The following VPS33B variants were observed in gnomAD, a reference collection of about 807,000 sequenced individuals.
The protein encoded by VPS33B is vacuolar protein sorting-associated protein 33B.
A neutral mutation model predicts 95.3 loss-of-function variants in VPS33B; 80 were observed. The observed-to-expected ratio is 0.84, with a 90% CI of 0.70 to 1.01. The LOEUF is 1.01. Ranked by LOEUF, VPS33B falls within the 50% of genes least tolerant of loss-of-function variation. VPS33B has a pLI of 0.00. For synonymous variants in VPS33B, 280 were observed against 280.4 expected, an observed-to-expected ratio of 1.00 and a Z score of 0.01; for missense variants, 715 against 773.4, an observed-to-expected ratio of 0.92 and a Z score of 0.90.
chr15:90,999,084 A>G lies in VPS33B; in HGVS notation c.1775-30T>C, dbSNP rs2040356592. On this transcript the variant is annotated intron_variant, in intron 22 of 22. Transcript: ENST00000333371. The surrounding 1 kb of genome is among the most constrained non-coding windows in gnomAD (Gnocchi z 5.1). ...GGAGTCAAATGCAGCAGCAGAAGAG[A>G]CAGCACAGATCTTAGGCCCCAACGG... 1 of 1,611,860 alleles carries G rather than the reference A, an allele frequency of 6.2e-7. No homozygotes were observed. Among genetic ancestry groups the G allele is most frequent in the African/African-American group, 1.3e-5 (1 of 74,892 alleles).
Position 91,005,525 on chromosome 15 carries a change from TAAA to T in VPS33B, c.1031-74_1031-72del, listed in dbSNP as rs1030048768. 3.7e-6 allele frequency: 6 copies of T among 1,609,494 alleles called. No homozygotes were observed. Among genetic ancestry groups the T allele is most frequent in the Non-Finnish European group, 5.1e-6 (6 of 1,176,166 alleles). ...GATGTCCCTTTATTGTCCGGAAGAA[TAAA>T]AAACCTCCTAAGGCAAAATCCGAAA... On this transcript the variant is annotated intron_variant, in intron 13 of 22. Coordinates refer to ENST00000333371, the MANE Select transcript of VPS33B (RefSeq NM_018668.5). The surrounding 1 kb of genome is among the most constrained non-coding windows in gnomAD (Gnocchi z 6.4).
At position 91,000,075 on chromosome 15, in the gene VPS33B, C is replaced by T. The variant is rs2040392569; in HGVS notation, c.1582-100G>A. On this transcript the variant is annotated intron_variant, in intron 20 of 22. Coordinates refer to ENST00000333371, the MANE Select transcript of VPS33B (RefSeq NM_018668.5). This position sits in a 1 kb window ranked among gnomAD's most constrained non-coding sequence, Gnocchi z 4.9. ...ACTGTCACATTTCTTGCTCATTACT[C>T]AAGTAGCAAAAAGTTGAGACAGGGC... is the stretch of plus-strand genomic sequence containing the variant. The T allele has an allele frequency of 6.7e-7, 1 of 1,492,934 alleles. No individual in the cohort carries two copies. The highest frequency in any genetic ancestry group is 9.2e-7 in the Non-Finnish European group (1 of 1,081,964). The allele number at this position is 1,492,934 out of a possible 1,614,324, so 92.5% of individuals were successfully genotyped here. A position where few individuals can be genotyped will look rare whatever the true frequency, so the allele number is the denominator to read the frequency against.
In VPS33B at chr15:91,018,398, C is replaced by T. The variant is rs906449750; in HGVS notation, c.97-513G>A. 1.3e-5 allele frequency among the ~76,000 whole-genome samples: 2 copies of T among 152,178 alleles called. No homozygotes were observed. Among genetic ancestry groups the T allele is most frequent in the African/African-American group, 4.8e-5 (2 of 41,440 alleles). ...CACAATCCCTGTCATACGATTCCTG[C>T]ACCACCACTCCTGACACCGATCTCA... On this transcript the variant is annotated intron_variant, in intron 1 of 22. Coordinates refer to ENST00000333371, the MANE Select transcript of VPS33B (RefSeq NM_018668.5). This position sits in a 1 kb window ranked among gnomAD's most constrained non-coding sequence, Gnocchi z 4.7.
chr15:91,000,506 C>T lies in VPS33B; in HGVS notation c.1565G>A (p.Cys522Tyr). The T allele has an allele frequency of 6.2e-7, 1 of 1,613,166 alleles. No individual in the cohort carries two copies. Among genetic ancestry groups the T allele is most frequent in the South Asian group, 1.1e-5 (1 of 91,060 alleles). Reference sequence around the variant, plus strand: ...TGCTCTCACCTGCTCAATGATTCGGCAGCTCAGGGGCACATAAGCACCACC... The same window carrying T: ...TGCTCTCACCTGCTCAATGATTCGGTAGCTCAGGGGCACATAAGCACCACC... ...VFGGAYVPLS[C>Y]RIIEQVLERR... The change falls in exon 20 of 23, where the codon TGC (cysteine) becomes TAC (tyrosine). Residue 522 changes from cysteine (C) to tyrosine (Y), a missense_variant. Physicochemically the swap from Cys to Tyr is radical, Grantham distance 194. Transcript: ENST00000333371. This position sits in a 1 kb window ranked among gnomAD's most constrained non-coding sequence, Gnocchi z 4.9.
Position 90,999,958 on chromosome 15 carries a change from G to A in VPS33B, c.1599C>T (p.Ser533=), listed in dbSNP as rs766561712. The A allele has an allele frequency of 1.2e-6, 2 of 1,614,238 alleles. No individual in the cohort carries two copies. The highest frequency in any genetic ancestry group is 1.7e-6 in the Non-Finnish European group (2 of 1,180,044). The change falls in exon 21 of 23, where the codon AGC becomes AGT. Residue 533 remains serine, a synonymous_variant. Transcript: ENST00000333371. This position sits in a 1 kb window ranked among gnomAD's most constrained non-coding sequence, Gnocchi z 5.1. ...GTACCACCTCATCAAGGCCCTGCCA[G>A]CTTCGCCGCTCTAGCACCTGGGAAG... ...RIIEQVLERR[S]WQGLDEVVRL...
Position 91,011,772 on chromosome 15 carries a change from G to C in VPS33B, c.358-1926C>G, listed in dbSNP as rs535772571. ...GGAGGCAGAGGTGGGCAGATTGCCTGAGCTCAGGAATTTGAGACCAGCTTG... is the reference window on the plus strand; with the variant it reads ...GGAGGCAGAGGTGGGCAGATTGCCTCAGCTCAGGAATTTGAGACCAGCTTG... On this transcript the variant is annotated intron_variant, in intron 5 of 22. Transcript: ENST00000333371. This position sits in a 1 kb window ranked among gnomAD's most constrained non-coding sequence, Gnocchi z 5.5. Among the ~76,000 whole-genome samples, 63 of 152,168 alleles carry C rather than the reference G, an allele frequency of 4.1e-4. No homozygotes were observed. Among genetic ancestry groups the C allele is most frequent in the Non-Finnish European group, 7.9e-4 (54 of 68,028 alleles).
chr15:91,014,551 C>G (rs987128652), intron 3 of VPS33B, 118 bp from the exon 4 acceptor site: 10 of 1,110,902 alleles, frequency 9.0e-6, no homozygotes, highest in Admixed American at 8.6e-5. Context: ...CTCATCCTAG[C>G]CAAAGCTATG....
intron 4 of VPS33B, 40 bp downstream of exon 4, chr15:91,014,344 C>T: frequency 6.2e-7 from 1 of 1,612,794 alleles, no homozygotes; most frequent in Non-Finnish European, 8.5e-7. Flanking sequence ...ATTTTGCCCG[C>T]CCTTTCCCAC....
intron 4 of VPS33B, 94 bp downstream of exon 4, chr15:91,014,290 C>CT: frequency 9.3e-7 from 1 of 1,074,886 alleles, no homozygotes; most frequent in Non-Finnish European, 1.4e-6. Flanking sequence ...CCAACTCAAA[C>CT]AATTATTTTC....
In VPS33B at chr15:91,001,952, C is replaced by A. The variant is rs2040450140; in HGVS notation, c.1405+98G>T. 6 of 1,587,490 alleles carry A rather than the reference C, an allele frequency of 3.8e-6. No individual in the cohort carries two copies. The South Asian group carries it at 6.7e-5, about 18-fold the overall frequency. On this transcript the variant is annotated intron_variant, in intron 18 of 22. Coordinates refer to ENST00000333371, the MANE Select transcript of VPS33B (RefSeq NM_018668.5). Reference sequence around the variant, plus strand: ...ATGACATTAATAGGAAGGAATCAGTCCACCTTCTCCAATTCATTCTGTCCC... The same window carrying A: ...ATGACATTAATAGGAAGGAATCAGTACACCTTCTCCAATTCATTCTGTCCC...
At chr15:91,008,685 T>C (rs1295087753) in intron 6 of VPS33B, among the ~76,000 whole-genome samples, 1 of 152,194 alleles carries the variant, frequency 6.6e-6, no homozygotes, top group Non-Finnish European at 1.5e-5. Context: ...GCTTACAGTC[T>C]AGTGAGGGAG....
At position 91,018,940 on chromosome 15, in the gene VPS33B, G is replaced by A. The variant is rs979270687; in HGVS notation, c.97-1055C>T. 2.6e-5 allele frequency among the ~76,000 whole-genome samples: 4 copies of A among 151,418 alleles called. No homozygotes were observed. In the South Asian group the frequency reaches 6.3e-4, roughly 24 times the overall value. ...AAGCAATTCTCTGCCTCAGCCTCCCGAGTAGCTGAGATTACAGGTGCCTGC... is the reference window on the plus strand; with the variant it reads ...AAGCAATTCTCTGCCTCAGCCTCCCAAGTAGCTGAGATTACAGGTGCCTGC... On this transcript the variant is annotated intron_variant, in intron 1 of 22. Coordinates refer to ENST00000333371, the MANE Select transcript of VPS33B (RefSeq NM_018668.5). This position sits in a 1 kb window ranked among gnomAD's most constrained non-coding sequence, Gnocchi z 4.7.
rs556273911 is a variant in VPS33B, at chr15:91,017,019, G to C, written c.183C>G (p.His61Gln). The change falls in exon 3 of 23, where the codon CAC becomes CAG. Residue 61 changes from histidine (H) to glutamine (Q), a missense_variant. His to Gln is a conservative substitution (Grantham distance 24). Coordinates refer to ENST00000333371, the MANE Select transcript of VPS33B (RefSeq NM_018668.5). ...CCACCTTGTATAGCTTGTCTACTTC[G>C]TGTTGCTACAGAGAGAATCCAATAA... Reference protein sequence around the residue: ...RIANVSILKQHEVDKLYKVEN... With the variant: ...RIANVSILKQQEVDKLYKVEN... 6 of 1,613,878 alleles carry C rather than the reference G, an allele frequency of 3.7e-6. No individual in the cohort carries two copies. The highest frequency in any genetic ancestry group is 5.1e-6 in the Non-Finnish European group (6 of 1,179,926).
Position 90,999,066 on chromosome 15 carries a change from A to T in VPS33B, c.1775-12T>A. On this transcript the variant is annotated splice_polypyrimidine_tract_variant and intron_variant, in intron 22 of 22. Coordinates refer to ENST00000333371, the MANE Select transcript of VPS33B (RefSeq NM_018668.5). This position sits in a 1 kb window ranked among gnomAD's most constrained non-coding sequence, Gnocchi z 5.1. Reference sequence around the variant, plus strand: ...AATGAACCTGTAGCCTAAGGAGTCAAATGCAGCAGCAGAAGAGACAGCACA... The same window carrying T: ...AATGAACCTGTAGCCTAAGGAGTCATATGCAGCAGCAGAAGAGACAGCACA... 6.2e-7 allele frequency: 1 copy of T among 1,613,882 alleles called. No homozygotes were observed. The highest frequency in any genetic ancestry group is 8.5e-7 in the Non-Finnish European group (1 of 1,179,900).
In VPS33B at chr15:91,007,643, T is replaced by C. The variant is rs1596358828; in HGVS notation, c.499-70A>G. ...GGACCACCTGGAAAGTGGCTAGCCCTAGAAGCCCTGGAGCAGGGTGGCAGG... is the reference window on the plus strand; with the variant it reads ...GGACCACCTGGAAAGTGGCTAGCCCCAGAAGCCCTGGAGCAGGGTGGCAGG... On this transcript the variant is annotated intron_variant, in intron 7 of 22. Coordinates refer to ENST00000333371, the MANE Select transcript of VPS33B (RefSeq NM_018668.5). The surrounding 1 kb of genome is among the most constrained non-coding windows in gnomAD (Gnocchi z 5.3). 1 of 1,539,782 alleles carries C rather than the reference T, an allele frequency of 6.5e-7. No individual in the cohort carries two copies. The highest frequency in any genetic ancestry group is 1.1e-5 in the South Asian group (1 of 89,502).
At chr15:91,008,780 T>G (rs1480534928) in intron 6 of VPS33B, among the ~76,000 whole-genome samples, 1 of 152,100 alleles carries the variant, frequency 6.6e-6, no homozygotes. Context: ...GCACATATAT[T>G]AAAGGGATGT....
Position 91,000,780 on chromosome 15 carries a change from A to G in VPS33B, c.1480-189T>C. On this transcript the variant is annotated intron_variant, in intron 19 of 22. Transcript: ENST00000333371. This position sits in a 1 kb window ranked among gnomAD's most constrained non-coding sequence, Gnocchi z 4.9. Reference sequence around the variant, plus strand: ...TGTTCAGTAACTGCCAGTTCTCTGGAATGAGTTCCCATGCGCCATTATTGA... The same window carrying G: ...TGTTCAGTAACTGCCAGTTCTCTGGGATGAGTTCCCATGCGCCATTATTGA... 1.7e-6 allele frequency: 1 copy of G among 579,108 alleles called. No individual in the cohort carries two copies. The highest frequency in any genetic ancestry group is 1.9e-5 in the African/African-American group (1 of 53,532). The allele number at this position is 579,108 out of a possible 1,614,324, so 35.9% of individuals were successfully genotyped here.
In VPS33B at chr15:91,004,911, C is replaced by T. The variant is rs1348573080; in HGVS notation, c.1191G>A (p.Leu397=). 3 of 1,614,186 alleles carry T rather than the reference C, an allele frequency of 1.9e-6. No homozygotes were observed. The highest frequency in any genetic ancestry group is 2.5e-6 in the Non-Finnish European group (3 of 1,180,028). ...IDRQVSPIES[L]RLMCLLSITE... is the part of the protein sequence containing the mutation. The stretch of plus-strand genomic sequence containing the variant: ...TGATGGACAAAAGGCACATGAGGCG[C>T]AGGCTTTCTATAGGCGACACCTGCA... The change falls in exon 16 of 23, where the codon CTG becomes CTA. Residue 397 remains leucine (L), a synonymous_variant. Transcript: ENST00000333371.
rs2041127227 is a variant in VPS33B, at chr15:91,022,261, C to T, written c.-12G>A. The stretch of plus-strand genomic sequence containing the variant: ...TGGGGAAAAGCCATGGCAGCGGTCA[C>T]CTGCGCCGCGGGGTGGAAGGACGCC... On this transcript the variant is annotated 5_prime_UTR_variant, in exon 1 of 23. In the 5' UTR this introduces an upstream ATG that the reference lacks. Coordinates refer to ENST00000333371, the MANE Select transcript of VPS33B (RefSeq NM_018668.5). The T allele has an allele frequency of 6.5e-7, 1 of 1,549,122 alleles. No individual in the cohort carries two copies. Among genetic ancestry groups the T allele is most frequent in the Admixed American group, 1.9e-5 (1 of 53,408 alleles).
Sources: allele counts gnomAD v4.1 joint callset (sites outside exome capture counted in the v4.1 genomes callset), GRCh38; gene constraint gnomAD v4.1.1; non-coding constraint Gnocchi (gnomAD v3.1); transcripts MANE v1.5; gene names NCBI Gene and HGNC (gene_info 2026-07-23, HGNC 2026-07-21).